The following VTA1 variants were observed in gnomAD, a reference collection of about 807,000 sequenced individuals.
The protein encoded by VTA1 is vacuolar protein sorting-associated protein VTA1 homolog.
VTA1 carries 24 observed loss-of-function variants against 36.9 expected under a neutral mutation model. The observed-to-expected ratio is 0.65, with a 90% CI of 0.47 to 0.91. The LOEUF (loss-of-function observed/expected upper bound fraction) is 0.91. Among genes scored for constraint, VTA1 ranks in the 40% least tolerant of loss-of-function variants. The probability of loss-of-function intolerance (pLI) is 0.00; values close to 1 mark genes in which losing one functional copy is unlikely to be tolerated. For synonymous variants in VTA1, 142 were observed against 130.2 expected, an observed-to-expected ratio of 1.09 and a Z score of -0.62; for missense variants, 393 against 377.2, an observed-to-expected ratio of 1.04 and a Z score of -0.35.
chr6:142,171,518 TTCTA>T (rs1775028794), intron 4 of VTA1, among the ~76,000 whole-genome samples: 3 of 152,224 alleles, frequency 2.0e-5, no homozygotes, highest in South Asian at 4.1e-4. Context: ...TTCCTGTTCA[TTCTA>T]TCTATTTGAT....
At position 142,218,363 on chromosome 6, in the gene VTA1, A is replaced by G. The variant is rs185231301; in HGVS notation, c.779-135A>G. On this transcript the variant is annotated intron_variant, in intron 7 of 7. Transcript: ENST00000367630. ...GAATGAAGAAAATGTATCAAAGTTCATGTGAGATTGACTAAAACTACTGTT... is the reference window on the plus strand; with the variant it reads ...GAATGAAGAAAATGTATCAAAGTTCGTGTGAGATTGACTAAAACTACTGTT... 43 of 863,278 alleles carry G rather than the reference A, an allele frequency of 5.0e-5. No individual in the cohort carries two copies. The South Asian group carries it at 7.0e-4, about 14-fold the overall frequency. 53.5% of individuals were successfully genotyped at this position (863,278 alleles called of 1,614,324 possible). A position where few individuals can be genotyped will look rare whatever the true frequency, so the allele number is the denominator to read the frequency against.
At chr6:142,209,673 T>C (rs1054713744) in intron 7 of VTA1, among the ~76,000 whole-genome samples, 2 of 151,408 alleles carry the variant, frequency 1.3e-5, no homozygotes, top group African/African-American at 4.8e-5. Flanking sequence ...AAGTTAGTTA[T>C]TAATAACTAA....
chr6:142,147,304 C>T lies in VTA1; in HGVS notation c.17C>T (p.Pro6Leu), dbSNP rs781192805. 1.7e-5 allele frequency: 28 copies of T among 1,614,186 alleles called. No individual in the cohort carries two copies. The highest frequency in any genetic ancestry group is 3.3e-5 in the Admixed American group (2 of 60,036). Residue 6 changes from proline (P) to leucine (L), a missense_variant, in exon 1 of 8, where the codon CCG becomes CTG. Coordinates refer to ENST00000367630, the MANE Select transcript of VTA1 (RefSeq NM_016485.5). ...GGAGTAGAGATGGCCGCGCTTGCAC[C>T]GCTGCCCCCGCTCCCCGCACAGTTC... MAALAPLPPLPAQFKS... is the reference protein window; with the variant it reads MAALALLPPLPAQFKS...
chr6:142,178,282 A>G (rs1775163317), intron 4 of VTA1, among the ~76,000 whole-genome samples: 1 of 152,112 alleles, frequency 6.6e-6, no homozygotes, highest in African/African-American at 2.4e-5. Context: ...ATAAAATGAC[A>G]TATTTAAAGG....
In VTA1 at chr6:142,169,798, A is replaced by G. The variant is rs533537630; in HGVS notation, c.335+121A>G. The G allele has an allele frequency of 3.4e-3, 3,092 of 921,974 alleles. 12 individuals carry two copies. Among genetic ancestry groups the G allele is most frequent in the Non-Finnish European group, 4.1e-3 (2,774 of 675,274 alleles). The allele number at this position is 921,974 out of a possible 1,614,324, so 57.1% of individuals were successfully genotyped here. ...TTGATTTAGGTTTTTTTAGAAAAAA[A>G]TTATCAAACCTCACGGTGATTTTAG... is the stretch of plus-strand genomic sequence containing the variant. On this transcript the variant is annotated intron_variant, in intron 3 of 7. Coordinates refer to ENST00000367630, the MANE Select transcript of VTA1 (RefSeq NM_016485.5).
chr6:142,207,295 G>A (rs183225217), intron 7 of VTA1, among the ~76,000 whole-genome samples: 31 of 152,202 alleles, frequency 2.0e-4, no homozygotes, highest in Non-Finnish European at 1.5e-5. Context: ...TGGGTTCCCT[G>A]GCAGGAGATC....
chr6:142,169,696 A>G lies in VTA1; in HGVS notation c.335+19A>G, dbSNP rs1774992882. On this transcript the variant is annotated intron_variant, in intron 3 of 7. Transcript: ENST00000367630. ...TTCACAAGTAAGTAAAGAGAAAAAT[A>G]AAAATTATTTTATTAATTTTGTAAC... 1.3e-6 allele frequency: 2 copies of G among 1,522,084 alleles called. No individual in the cohort carries two copies. The highest frequency in any genetic ancestry group is 5.1e-5 in the East Asian group (2 of 39,284). The allele number at this position is 1,522,084 out of a possible 1,614,324, so 94.3% of individuals were successfully genotyped here.
chr6:142,166,361 T>A, intron 2 of VTA1, 39 bp downstream of exon 2: 2 of 1,419,002 alleles, frequency 1.4e-6, no homozygotes, highest in Non-Finnish European at 2.0e-6. Flanking sequence ...TGGTTATGGT[T>A]AAAATACCAT....
intron 4 of VTA1, among the ~76,000 whole-genome samples, chr6:142,183,424 C>T (rs1231976539): frequency 6.6e-6 from 1 of 152,170 alleles, no homozygotes; most frequent in Non-Finnish European, 1.5e-5. Context: ...AAAATCCCTC[C>T]TCCCGCCTAT....
chr6:142,167,081 C>G (rs1488091668), intron 2 of VTA1, among the ~76,000 whole-genome samples: 1 of 152,164 alleles, frequency 6.6e-6, no homozygotes, highest in African/African-American at 2.4e-5. Context: ...TCCTCCCTCT[C>G]TGGGGTCCCA....
chr6:142,185,870 A>C (rs562600857), intron 4 of VTA1, among the ~76,000 whole-genome samples: 1 of 152,196 alleles, frequency 6.6e-6, no homozygotes, highest in Non-Finnish European at 1.5e-5. Context: ...CATTGGAGAT[A>C]TGTATACTTC....
chr6:142,198,441 A>G lies in VTA1; in HGVS notation c.523A>G (p.Ile175Val). Residue 175 changes from isoleucine (I) to valine (V), a missense_variant and splice_region_variant, in exon 6 of 8, where the codon ATT becomes GTT. By Grantham distance (29) the Ile-to-Val change is conservative (BLOSUM62 3). Transcript: ENST00000367630. Reference sequence around the variant, plus strand: ...ATTGTGTATATGTGATCTGATAGATATTGAAGAAAATGAAGATGCTGGAGC... The same window carrying G: ...ATTGTGTATATGTGATCTGATAGATGTTGAAGAAAATGAAGATGCTGGAGC... ...GPVGIEEDND[I>V]EENEDAGAAS... is the part of the protein sequence containing the mutation. 6.2e-7 allele frequency: 1 copy of G among 1,613,950 alleles called. No individual in the cohort carries two copies. The highest frequency in any genetic ancestry group is 1.1e-5 in the South Asian group (1 of 91,066).
At chr6:142,155,701 T>C (rs1035694463) in intron 1 of VTA1, among the ~76,000 whole-genome samples, 1 of 152,140 alleles carries the variant, frequency 6.6e-6, no homozygotes, top group African/African-American at 2.4e-5. Flanking sequence ...CTTTTAACAT[T>C]CTACTTTATC....
At chr6:142,211,876 G>T (rs1367255928) in intron 7 of VTA1, among the ~76,000 whole-genome samples, 1 of 152,154 alleles carries the variant, frequency 6.6e-6, no homozygotes, top group Non-Finnish European at 1.5e-5. Flanking sequence ...ATAGGCACCT[G>T]ACTAAAGAGG....
At chr6:142,197,931 A>AT (rs1299205939) in intron 5 of VTA1, among the ~76,000 whole-genome samples, 3 of 148,644 alleles carry the variant, frequency 2.0e-5, no homozygotes, top group African/African-American at 7.5e-5. Flanking sequence ...AAAAAAAAAA[A>AT]CCAAAAAAAA....
At chr6:142,188,816 TAGA>T (rs1445402538) in intron 4 of VTA1, among the ~76,000 whole-genome samples, 11 of 152,226 alleles carry the variant, frequency 7.2e-5, no homozygotes, top group African/African-American at 2.2e-4. Context: ...TTTTAAGACA[TAGA>T]AGAAGAGGCA....
chr6:142,169,594 A>C lies in VTA1; in HGVS notation c.252A>C (p.Ile84=). 1 of 1,610,102 alleles carries C rather than the reference A, an allele frequency of 6.2e-7. No homozygotes were observed. Among genetic ancestry groups the C allele is most frequent in the Non-Finnish European group, 8.5e-7 (1 of 1,179,146 alleles). Residue 84 remains isoleucine (I), a synonymous_variant, in exon 3 of 8, where the codon ATA becomes ATC. Coordinates refer to ENST00000367630, the MANE Select transcript of VTA1 (RefSeq NM_016485.5). ...ATAATGAAGCTATTACTCAAGAAAT[A>C]GTGGGCTGTGCCCATTTGGAGAATT... ...LGDNEAITQE[I]VGCAHLENYA... is the part of the protein sequence containing the mutation.
At chr6:142,215,989 G>T (rs565993642) in intron 7 of VTA1, among the ~76,000 whole-genome samples, 1 of 152,076 alleles carries the variant, frequency 6.6e-6, no homozygotes, top group Admixed American at 6.5e-5. Context: ...GGTCTTGTCT[G>T]CAGCTCGTCT....
rs532684372 is a variant in VTA1, at chr6:142,173,943, CT to C, written c.411+3523del. 1.9e-3 allele frequency among the ~76,000 whole-genome samples: 282 copies of C among 152,186 alleles called. 2 individuals are homozygous for C. The highest frequency in any genetic ancestry group is 6.0e-3 in the African/African-American group (248 of 41,510). The stretch of plus-strand genomic sequence containing the variant: ...AAGGGTAAAGGGATTTTTTTACCCC[CT>C]ATCTCACTACCCAACCTGCTCCCTA... On this transcript the variant is annotated intron_variant, in intron 4 of 7. Transcript: ENST00000367630.
Sources: allele counts gnomAD v4.1 joint callset (sites outside exome capture counted in the v4.1 genomes callset), GRCh38; gene constraint gnomAD v4.1.1; transcripts MANE v1.5; gene names NCBI Gene and HGNC (gene_info 2026-07-23, HGNC 2026-07-21).